Variants in SEC14L3 observed in about 807,000 individuals in gnomAD.
SEC14L3 encodes SEC14-like protein 3.
Under a neutral mutation model 57.4 loss-of-function variants are expected in SEC14L3, and 56 were observed. That is an observed-to-expected ratio of 0.97 (90% confidence interval 0.79 to 1.22). The LOEUF is 1.22. Among genes scored for constraint, SEC14L3 ranks in the 50% most tolerant of loss-of-function variants. The pLI, the probability that SEC14L3 is intolerant of heterozygous loss-of-function variation, is 0.00. For synonymous variants in SEC14L3, 173 were observed against 194.4 expected (o/e 0.89, Z 0.92); for missense variants, 485 against 511.7 (o/e 0.95, Z 0.50).
At chr22:30,463,924 C>T (rs1293837533) in intron 8 of SEC14L3, among the ~76,000 whole-genome samples, 1 of 152,006 alleles carries the variant, frequency 6.6e-6, no homozygotes, top group Non-Finnish European at 1.5e-5. Flanking sequence ...GTTGTTTTTC[C>T]TTGTAGAAAT....
Position 30,451,425 on chromosome 22 carries a change from C to T in SEC14L3, c.905-2181G>A, listed in dbSNP as rs116126203. Among the ~76,000 whole-genome samples the T allele has an allele frequency of 5.4e-3, 826 of 152,078 alleles. 9 individuals carry two copies. Among genetic ancestry groups the T allele is most frequent in the African/African-American group, 0.019 (793 of 41,470 alleles). On this transcript the variant is annotated intron_variant, in intron 12 of 12. Coordinates refer to the SEC14L3 transcript ENST00000403066. Reference sequence around the variant, plus strand: ...AGGTGCTCCAACACCTTGTCCCCGGCCCCCCCTTACCAAACAAACATAATA... The same window carrying T: ...AGGTGCTCCAACACCTTGTCCCCGGTCCCCCCTTACCAAACAAACATAATA...
downstream of SEC14L3, among the ~76,000 whole-genome samples, chr22:30,454,738 A>T (rs1297102440): frequency 2.7e-5 from 2 of 72,732 alleles, no homozygotes; most frequent in African/African-American, 1.1e-4. Context: ...TATAATATAT[A>T]ATAATATTAT....
At chr22:30,464,730 C>T in intron 8 of SEC14L3, 90 bp downstream of exon 8, 1 of 1,205,550 alleles carries the variant, frequency 8.3e-7, no homozygotes, top group Non-Finnish European at 1.2e-6. Context: ...TGCACCCAAC[C>T]TAATGTGTGG....
chr22:30,461,579 A>T lies in SEC14L3; in HGVS notation c.887T>A (p.Ile296Asn). The change falls in exon 10 of 12, where the codon ATC becomes AAC. Residue 296 changes from isoleucine to asparagine, a missense_variant. Coordinates refer to ENST00000215812, the MANE Select transcript of SEC14L3 (RefSeq NM_174975.5). ...CCTGAGAACGCAGCCTGGAAATAGGATCTCGTATTCCACTTGGTGTGATGA... is the reference window on the plus strand; with the variant it reads ...CCTGAGAACGCAGCCTGGAAATAGGTTCTCGTATTCCACTTGGTGTGATGA... ...RGSSHQVEYE[I>N]LFPGCVLRWQ... 1 of 1,613,898 alleles carries T rather than the reference A, an allele frequency of 6.2e-7. No homozygotes were observed. The highest frequency in any genetic ancestry group is 8.5e-7 in the Non-Finnish European group (1 of 1,180,008).
chr22:30,463,883 A>G (rs1415849650), intron 8 of SEC14L3, among the ~76,000 whole-genome samples: 1 of 152,200 alleles, frequency 6.6e-6, no homozygotes, highest in Non-Finnish European at 1.5e-5. Flanking sequence ...TAAAAACCAC[A>G]CGATCTCTCA....
intron 12 of SEC14L3, among the ~76,000 whole-genome samples, chr22:30,451,999 AAAAAAAAAAAG>A (rs1329036835): frequency 6.9e-6 from 1 of 145,358 alleles, no homozygotes; most frequent in Non-Finnish European, 1.5e-5. Context: ...CTCAAAAAAA[AAAAAAAAAAAG>A]AAAAAAGAAA....
intron 4 of SEC14L3, 148 bp from the exon 5 acceptor site, chr22:30,468,844 G>C: frequency 6.4e-7 from 1 of 1,559,406 alleles, no homozygotes; most frequent in Non-Finnish European, 8.7e-7. Flanking sequence ...TCTCAGGTGA[G>C]AAAGCTGAGG....
At position 30,449,489 on chromosome 22, in the gene SEC14L3, C is replaced by G. The variant is rs550990491; in HGVS notation, c.905-245G>C. On this transcript the variant is annotated intron_variant, in intron 12 of 12. Transcript: ENST00000403066. ...CCCTACTTGTCTGGTCAAGCTGTAA[C>G]TTAGCCAGTACCTGATTACAGAAGC... Among the ~76,000 whole-genome samples, 6 of 152,086 alleles carry G rather than the reference C, an allele frequency of 3.9e-5. No individual in the cohort carries two copies. In the South Asian group the frequency reaches 1.0e-3, roughly 26 times the overall value.
chr22:30,455,201 A>AT (rs1935098190), downstream of SEC14L3, among the ~76,000 whole-genome samples: 2 of 116,212 alleles, frequency 1.7e-5, no homozygotes, highest in South Asian at 2.4e-4. Context: ...TATAATATAA[A>AT]TTAATATAAA....
At chr22:30,468,397 C>A in intron 5 of SEC14L3, 111 bp downstream of exon 5, 1 of 740,420 alleles carries the variant, frequency 1.4e-6, no homozygotes. Flanking sequence ...GGTGTTTGAC[C>A]CCAGAGCCCT....
At chr22:30,468,857 C>T in intron 4 of SEC14L3, 161 bp from the exon 5 acceptor site, 1 of 1,553,012 alleles carries the variant, frequency 6.4e-7, no homozygotes, top group Non-Finnish European at 8.7e-7. Context: ...AGCTGAGGTC[C>T]TGCAGGGGAG....
At position 30,461,458 on chromosome 22, in the gene SEC14L3, AC is replaced by A; in HGVS notation, c.932del (p.Gly311ValfsTer10). 6.2e-7 allele frequency: 1 copy of A among 1,613,816 alleles called. No individual in the cohort carries two copies. Among genetic ancestry groups the A allele is most frequent in the East Asian group, 2.2e-5 (1 of 44,872 alleles). On this transcript the variant is annotated frameshift_variant, in exon 11 of 12. Coordinates refer to ENST00000215812, the MANE Select transcript of SEC14L3 (RefSeq NM_174975.5). LOFTEE classifies it high-confidence loss of function. ...GGAAAACTCCGAAGCCGATGTCCGC[AC>A]CATCAGATGAGAACTGCCACCTGTC... ...CVLRWQFSSD[G>X]ADIGFGVFLK...
In SEC14L3 at chr22:30,468,541, G is replaced by A; in HGVS notation, c.390C>T (p.Arg130=). The part of the protein sequence containing the change: ...LLKTKMRDCE[R]ILHECDLQTE... ...TCTGCAGGTCACACTCATGCAGGAT[G>A]CGCTCACAGTCCCTCATCTTGGTCT... The change falls in exon 5 of 12, where the codon CGC becomes CGT. Residue 130 remains arginine (R), a synonymous_variant. Coordinates refer to ENST00000215812, the MANE Select transcript of SEC14L3 (RefSeq NM_174975.5). 6.2e-7 allele frequency: 1 copy of A among 1,613,796 alleles called. No homozygotes were observed.
chr22:30,462,918 G>A (rs1304183064), intron 8 of SEC14L3, among the ~76,000 whole-genome samples: 3 of 151,828 alleles, frequency 2.0e-5, no homozygotes, highest in Non-Finnish European at 4.4e-5. Flanking sequence ...TATATTTTTA[G>A]TAGAGACGGG....
intron 4 of SEC14L3, among the ~76,000 whole-genome samples, chr22:30,469,749 A>G (rs1449501410): frequency 1.3e-5 from 2 of 152,084 alleles, no homozygotes; most frequent in African/African-American, 4.8e-5. Flanking sequence ...AAGTTACCTA[A>G]TTTTTGCTGG....
intron 1 of SEC14L3, 89 bp downstream of exon 1, chr22:30,471,816 A>T: frequency 6.4e-7 from 1 of 1,564,866 alleles, no homozygotes; most frequent in Non-Finnish European, 8.8e-7. Flanking sequence ...TGCTGAATCA[A>T]CTGAGTGGGG....
downstream of SEC14L3, among the ~76,000 whole-genome samples, chr22:30,457,239 C>T (rs550146762): frequency 6.6e-6 from 1 of 152,224 alleles, no homozygotes; most frequent in East Asian, 1.9e-4. Flanking sequence ...GAAGGTGAAC[C>T]CATCCCCCTC....
chr22:30,448,717 AAAAGAAAG>A (rs997357414), exon 13 of SEC14L3: 33 of 173,706 alleles, frequency 1.9e-4, no homozygotes, highest in Admixed American at 5.7e-4. Context: ...CCAAAAAAAA[AAAAGAAAG>A]AAAGAAAGAA....
intron 12 of SEC14L3, among the ~76,000 whole-genome samples, chr22:30,453,504 C>G (rs1481005569): frequency 6.6e-6 from 1 of 152,178 alleles, no homozygotes; most frequent in Admixed American, 6.5e-5. Flanking sequence ...CCTCCACCTC[C>G]CGAGTCCAAG....
Sources: allele counts gnomAD v4.1 joint callset (sites outside exome capture counted in the v4.1 genomes callset), GRCh38; gene constraint gnomAD v4.1.1; transcripts MANE v1.5; gene names NCBI Gene and HGNC (gene_info 2026-07-23, HGNC 2026-07-21).